Variants in LRFN5 observed in about 807,000 individuals in gnomAD.
LRFN5 encodes leucine rich repeat and fibronectin type III domain containing 5, also known as leucine-rich repeat and fibronectin type-III domain-containing protein 5.
A neutral mutation model predicts 45.6 loss-of-function variants in LRFN5; 24 were observed. The ratio of observed to expected loss-of-function variants is 0.53; its 90% CI spans 0.38 to 0.74. LRFN5 has a LOEUF of 0.74. Among genes scored for constraint, LRFN5 ranks in the 30% least tolerant of loss-of-function variants. LRFN5 has a pLI of 0.00. For missense variants in LRFN5, 776 were observed against 861.5 expected, an observed-to-expected ratio of 0.90 and a Z score of 1.24; for synonymous variants, 340 against 313.8, an observed-to-expected ratio of 1.08 and a Z score of -0.88.
At chr14:41,673,739 G>A (rs1337012639) in intron 1 of LRFN5, among the ~76,000 whole-genome samples, 1 of 142,870 alleles carries the variant, frequency 7.0e-6, no homozygotes, top group Non-Finnish European at 1.5e-5. Context: ...CTTCCCAGTA[G>A]GGGTGGCCGG....
At chr14:41,882,642 A>G (rs1890421422) in intron 2 of LRFN5, among the ~76,000 whole-genome samples, 1 of 152,128 alleles carries the variant, frequency 6.6e-6, no homozygotes. Flanking sequence ...AGGTATGAGA[A>G]TGACATAGGT....
intron 1 of LRFN5, among the ~76,000 whole-genome samples, chr14:41,730,941 G>A (rs74047903): frequency 0.045 from 6,808 of 151,964 alleles, 339 homozygotes; most frequent in African/African-American, 0.12. Flanking sequence ...TGCTCATTTG[G>A]TGGGTAGTAC....
intron 1 of LRFN5, among the ~76,000 whole-genome samples, chr14:41,608,775 C>T (rs756959582): frequency 2.0e-5 from 3 of 152,064 alleles, no homozygotes; most frequent in African/African-American, 4.8e-5. Context: ...GTAGTGAAAG[C>T]TTTGAGAATA....
chr14:41,692,717 C>T (rs1882434341), intron 1 of LRFN5, among the ~76,000 whole-genome samples: 1 of 152,072 alleles, frequency 6.6e-6, no homozygotes, highest in Non-Finnish European at 1.5e-5. Flanking sequence ...TTTGAAAAGC[C>T]TATGTTTTTA....
chr14:41,725,355 G>C (rs1883886608), intron 1 of LRFN5, among the ~76,000 whole-genome samples: 1 of 152,162 alleles, frequency 6.6e-6, no homozygotes, highest in Non-Finnish European at 1.5e-5. Flanking sequence ...TTCATCTGCT[G>C]TTTGGAGATA....
At position 41,625,751 on chromosome 14, in the gene LRFN5, T is replaced by G. The variant is rs1888309084; in HGVS notation, c.-197+17189T>G. 4.6e-5 allele frequency among the ~76,000 whole-genome samples: 7 copies of G among 152,246 alleles called. 1 individual carries two copies. In the South Asian group the frequency reaches 1.2e-3, roughly 27 times the overall value. On this transcript the variant is annotated intron_variant, in intron 1 of 5. Transcript: ENST00000298119. The stretch of plus-strand genomic sequence containing the variant: ...CTATTAAAATGTGTATTTTATGAAT[T>G]TTCACATGTACAAGGTAAAAAAAAT...
intron 1 of LRFN5, among the ~76,000 whole-genome samples, chr14:41,746,073 G>A (rs773308549): frequency 1.2e-4 from 18 of 151,904 alleles, no homozygotes; most frequent in Admixed American, 3.3e-4. Context: ...AGGCAGTTAC[G>A]CCTTATGATC....
intron 1 of LRFN5, among the ~76,000 whole-genome samples, chr14:41,633,607 C>G (rs918211887): frequency 1.3e-5 from 2 of 152,048 alleles, no homozygotes; most frequent in Non-Finnish European, 2.9e-5. Flanking sequence ...GTTTTAGGAT[C>G]AGGTCCAATT....
chr14:41,678,329 AT>A (rs1881730964), intron 1 of LRFN5, among the ~76,000 whole-genome samples: 1 of 152,042 alleles, frequency 6.6e-6, no homozygotes, highest in Non-Finnish European at 1.5e-5. Flanking sequence ...TATTCAAATA[AT>A]GGTTGAAAAC....
intron 1 of LRFN5, among the ~76,000 whole-genome samples, chr14:41,756,983 C>A (rs563933384): frequency 1.3e-5 from 2 of 152,264 alleles, no homozygotes; most frequent in South Asian, 4.1e-4. Context: ...ACTGTCAGGA[C>A]CCCCAGCTGC....
At chr14:41,834,172 A>G (rs1888580776) in intron 2 of LRFN5, among the ~76,000 whole-genome samples, 1 of 152,170 alleles carries the variant, frequency 6.6e-6, no homozygotes, top group South Asian at 2.1e-4. Context: ...TAGGAAAAAA[A>G]AATTATTTTG....
chr14:41,695,527 C>A (rs1882572255), intron 1 of LRFN5, among the ~76,000 whole-genome samples: 2 of 151,890 alleles, frequency 1.3e-5, no homozygotes, highest in Non-Finnish European at 2.9e-5. Context: ...TTATTGAGAG[C>A]TAATGCAGCT....
At chr14:41,671,232 G>A (rs962022060) in intron 1 of LRFN5, among the ~76,000 whole-genome samples, 11 of 151,970 alleles carry the variant, frequency 7.2e-5, no homozygotes, top group Non-Finnish European at 1.5e-4. Flanking sequence ...TCTCAATATC[G>A]TAATCATCTA....
chr14:41,892,492 A>G (rs1890820809), intron 4 of LRFN5: 3 of 977,486 alleles, frequency 3.1e-6, no homozygotes, highest in African/African-American at 1.8e-5. Flanking sequence ...ATAAAAAATG[A>G]TATTTCTCTA....
chr14:41,661,593 C>T (rs767568491), intron 1 of LRFN5, among the ~76,000 whole-genome samples: 4 of 152,082 alleles, frequency 2.6e-5, no homozygotes, highest in Non-Finnish European at 4.4e-5. Context: ...GGCTAATACT[C>T]ATAGTCCTTA....
chr14:41,891,939 C>A lies in LRFN5; in HGVS notation c.2075C>A (p.Ser692Tyr), dbSNP rs1276367792. 1.2e-6 allele frequency: 2 copies of A among 1,613,618 alleles called. No individual in the cohort carries two copies. The highest frequency in any genetic ancestry group is 1.7e-5 in the Admixed American group (1 of 59,892). The change falls in exon 4 of 6, where the codon TCT becomes TAT. Residue 692 changes from serine to tyrosine, a missense_variant. Physicochemically the swap from Ser to Tyr is moderately radical, Grantham distance 144. Transcript: ENST00000298119. ...GATTCTGTCACAGAGGGGCCCACGT[C>A]TAAAAGAGCACATATAAAGCCAAGT... ...PPDSVTEGPT[S>Y]KRAHIKPNAL...
At chr14:41,834,937 A>G (rs1473959486) in intron 2 of LRFN5, among the ~76,000 whole-genome samples, 2 of 152,028 alleles carry the variant, frequency 1.3e-5, no homozygotes, top group African/African-American at 4.8e-5. Context: ...TGCTAGGATT[A>G]CAGTCATGAG....
chr14:41,902,011 T>C (rs1188295528), intron 5 of LRFN5, among the ~76,000 whole-genome samples: 3 of 152,024 alleles, frequency 2.0e-5, no homozygotes, highest in African/African-American at 7.2e-5. Context: ...AGCAATGACC[T>C]TTAGAAATCA....
intron 2 of LRFN5, among the ~76,000 whole-genome samples, chr14:41,772,361 A>G (rs1594694884): frequency 1.3e-5 from 2 of 152,330 alleles, no homozygotes; most frequent in African/African-American, 2.4e-5. Context: ...ATCCTTAGGT[A>G]TATACTTCAC....
Sources: allele counts gnomAD v4.1 joint callset (sites outside exome capture counted in the v4.1 genomes callset), GRCh38; gene constraint gnomAD v4.1.1; transcripts MANE v1.5; gene names NCBI Gene and HGNC (gene_info 2026-07-23, HGNC 2026-07-21).